ELAC2: variants seen among roughly 807,000 people sequenced by gnomAD.
The protein encoded by ELAC2 is elaC ribonuclease Z 2, also known as zinc phosphodiesterase ELAC protein 2.
In ELAC2, 92 loss-of-function variants were observed where a neutral mutation model predicts 105.2. The ratio of observed to expected loss-of-function variants is 0.87; its 90% CI spans 0.74 to 1.04. The LOEUF (loss-of-function observed/expected upper bound fraction) is 1.04. ELAC2 is among the 50% of genes least tolerant of loss of function. ELAC2 has a pLI of 0.00. For missense variants in ELAC2, 1,099 were observed against 1,071.7 expected (o/e 1.03, Z -0.36); for synonymous variants, 468 against 409.1 (o/e 1.14, Z -1.74).
chr17:12,993,648 C>T, intron 23 of ELAC2, 39 bp downstream of exon 23: 1 of 1,613,632 alleles, frequency 6.2e-7, no homozygotes, highest in African/African-American at 1.3e-5. Context: ...TGTCTCCCTG[C>T]CCCGTCCCCG....
chr17:12,995,945 C>T lies in ELAC2; in HGVS notation c.1693G>A (p.Ala565Thr), dbSNP rs370011511. The change falls in exon 18 of 24, where the codon GCC (alanine) becomes ACC (threonine). Residue 565 changes from alanine (A) to threonine (T), a missense_variant. Ala to Thr is a moderately conservative substitution (Grantham distance 58). Coordinates refer to ENST00000338034, the MANE Select transcript of ELAC2 (RefSeq NM_018127.7). ...CCATCAAGTGCCACACTTACCAAGG[C>T]GCGTTCTCTCTGCAGCAAGATACTT... ...LPSILLQRER[A>T]LASLGKPLHP... 1.9e-5 allele frequency: 31 copies of T among 1,595,896 alleles called. No homozygotes were observed. Among genetic ancestry groups the T allele is most frequent in the East Asian group, 4.5e-5 (2 of 44,312 alleles).
chr17:13,015,469 A>G (rs960903566), intron 4 of ELAC2, among the ~76,000 whole-genome samples: 2 of 152,218 alleles, frequency 1.3e-5, no homozygotes, highest in Admixed American at 6.5e-5. Context: ...TGCCAAACAT[A>G]TATCTAATAA....
At chr17:13,005,335 T>A (rs1390993530) in intron 10 of ELAC2, among the ~76,000 whole-genome samples, 2 of 152,238 alleles carry the variant, frequency 1.3e-5, no homozygotes, top group African/African-American at 4.8e-5. Context: ...GAAAGGAGGC[T>A]TGGCATTAAG....
chr17:13,000,339 G>A (rs2040718997), intron 14 of ELAC2, 65 bp from the exon 15 acceptor site: 1 of 1,418,474 alleles, frequency 7.0e-7, no homozygotes, highest in Non-Finnish European at 1.0e-6. Context: ...AGACCCCATT[G>A]GGGATGTCCA....
intron 19 of ELAC2, among the ~76,000 whole-genome samples, 160 bp from the exon 20 acceptor site, chr17:12,995,222 A>G (rs1447011840): frequency 1.3e-5 from 2 of 152,218 alleles, no homozygotes; most frequent in African/African-American, 4.8e-5. Context: ...AAATATAAAG[A>G]GCCAAACCAA....
chr17:12,993,611 G>A, intron 23 of ELAC2, 76 bp downstream of exon 23: 2 of 1,602,182 alleles, frequency 1.2e-6, no homozygotes, highest in Non-Finnish European at 1.7e-6. Flanking sequence ...AACTCCAGCT[G>A]ACCGTCCTAC....
chr17:12,998,015 C>T (rs536944971), intron 16 of ELAC2, among the ~76,000 whole-genome samples: 6 of 152,314 alleles, frequency 3.9e-5, no homozygotes, highest in African/African-American at 1.4e-4. Context: ...CCCGCTCAAA[C>T]TTCAGATGCC....
At position 12,992,694 on chromosome 17, in the gene ELAC2, A is replaced by G. The variant is rs1354767602; in HGVS notation, c.*124T>C. ...CCAAGCCTCGGCACAGCTCCATACC[A>G]CCTATCCTGAGCTGCCTCCTGGGGG... On this transcript the variant is annotated 3_prime_UTR_variant, in exon 24 of 24. Coordinates refer to ENST00000338034, the MANE Select transcript of ELAC2 (RefSeq NM_018127.7). 4 of 1,163,998 alleles carry G rather than the reference A, an allele frequency of 3.4e-6. No homozygotes were observed. The highest frequency in any genetic ancestry group is 3.0e-5 in the African/African-American group (2 of 65,892). The allele number at this position is 1,163,998 out of a possible 1,614,324, so 72.1% of individuals were successfully genotyped here.
chr17:13,008,593 T>C (rs1404258798), intron 8 of ELAC2, among the ~76,000 whole-genome samples: 1 of 152,132 alleles, frequency 6.6e-6, no homozygotes, highest in South Asian at 2.1e-4. Flanking sequence ...CATGGAGATA[T>C]GTTCCTCTCT....
chr17:12,993,990 G>A (rs981281388), intron 22 of ELAC2, among the ~76,000 whole-genome samples, 159 bp from the exon 23 acceptor site: 1 of 152,138 alleles, frequency 6.6e-6, no homozygotes, highest in Admixed American at 6.5e-5. Context: ...TCCCCTGAGG[G>A]CCAGAGCCTT....
chr17:12,994,528 G>T (rs1445285110), intron 21 of ELAC2, 25 bp from the exon 22 acceptor site: 7 of 1,613,868 alleles, frequency 4.3e-6, no homozygotes, highest in Non-Finnish European at 5.9e-6. Context: ...CAAGGATCAG[G>T]GCAGAGTTCT....
rs749460308 is a variant in ELAC2, at chr17:13,000,179, G to C, written c.1400C>G (p.Ala467Gly). 6.2e-7 allele frequency: 1 copy of C among 1,613,830 alleles called. No individual in the cohort carries two copies. The highest frequency in any genetic ancestry group is 1.1e-5 in the South Asian group (1 of 91,056). ...ACCTGCTGGGGCTGGGCCGTCCTGCGCACTCCTCCTGTACTCCTGCACGCT... is the reference window on the plus strand; with the variant it reads ...ACCTGCTGGGGCTGGGCCGTCCTGCCCACTCCTCCTGTACTCCTGCACGCT... ...QQSVQEYRRS[A>G]QDGPAPAEKR... Residue 467 changes from alanine to glycine, a missense_variant, in exon 15 of 24, where the codon GCG becomes GGG. Physicochemically the swap from Ala to Gly is moderately conservative, Grantham distance 60 (BLOSUM62 0). Coordinates refer to ENST00000338034, the MANE Select transcript of ELAC2 (RefSeq NM_018127.7).
At position 12,993,726 on chromosome 17, in the gene ELAC2, G is replaced by A; in HGVS notation, c.2214C>T (p.Asn738=). The A allele has an allele frequency of 6.2e-7, 1 of 1,614,210 alleles. No individual in the cohort carries two copies. Among genetic ancestry groups the A allele is most frequent in the Non-Finnish European group, 8.5e-7 (1 of 1,180,040 alleles). Residue 738 remains asparagine, a synonymous_variant, in exon 23 of 24, where the codon AAC becomes AAT. Transcript: ENST00000338034. ...AGGCAACTCCCACTTTCTCGCTGAA[G>A]TTGGGGCTGAAGAGGGGGACCTTGG... The part of the protein sequence containing the change: ...RYAKVPLFSP[N]FSEKVGVAFD...
chr17:13,013,231 T>G lies in ELAC2; in HGVS notation c.535A>C (p.Thr179Pro). 1 of 1,614,200 alleles carries G rather than the reference T, an allele frequency of 6.2e-7. No individual in the cohort carries two copies. Among genetic ancestry groups the G allele is most frequent in the South Asian group, 1.1e-5 (1 of 91,084 alleles). ...CTGTGTATGGGGATCTGGTAAACTG[T>G]CATGGTTTCATCCTCGTATTCTGGG... is the stretch of plus-strand genomic sequence containing the variant. Reference protein sequence around the residue: ...SAPEYEDETMTVYQIPIHSEQ... With the variant: ...SAPEYEDETMPVYQIPIHSEQ... The change falls in exon 6 of 24, where the codon ACA becomes CCA. Residue 179 changes from threonine (T) to proline (P), a missense_variant. By Grantham distance (38) the Thr-to-Pro change is conservative (BLOSUM62 -1). Coordinates refer to ENST00000338034, the MANE Select transcript of ELAC2 (RefSeq NM_018127.7).
At chr17:13,009,860 G>A (rs561525841) in intron 8 of ELAC2, among the ~76,000 whole-genome samples, 13 of 152,024 alleles carry the variant, frequency 8.6e-5, no homozygotes, top group Middle Eastern at 3.4e-3. Context: ...GTGGTGGCGC[G>A]CACCTATAAT....
intron 11 of ELAC2, 150 bp downstream of exon 11, chr17:13,004,839 A>C (rs2041018055): frequency 1.1e-5 from 8 of 758,784 alleles, no homozygotes; most frequent in Non-Finnish European, 1.7e-5. Flanking sequence ...ACCAACTACC[A>C]ACAGTGACTT....
chr17:13,000,432 G>GC lies in ELAC2; in HGVS notation c.1305-159dup. 5.5e-6 allele frequency: 4 copies of GC among 721,158 alleles called. No homozygotes were observed. In the South Asian group the frequency reaches 6.1e-5, roughly 11 times the overall value. 44.7% of individuals were successfully genotyped at this position (721,158 alleles called of 1,614,324 possible). A position where few individuals can be genotyped will look rare whatever the true frequency, so the allele number is the denominator to read the frequency against. ...AGTGACTAGGATCTGGGGCAGGTCT[G>GC]CTCCACCGCCTTTTGGATGCTGCAT... On this transcript the variant is annotated intron_variant, in intron 14 of 23. Coordinates refer to ENST00000338034, the MANE Select transcript of ELAC2 (RefSeq NM_018127.7).
Position 12,992,328 on chromosome 17 carries a change from C to T in ELAC2, c.*490G>A, listed in dbSNP as rs938285817. 7 of 261,816 alleles carry T rather than the reference C, an allele frequency of 2.7e-5. No individual in the cohort carries two copies. The South Asian group carries it at 7.2e-4, about 27-fold the overall frequency. 16.2% of individuals were successfully genotyped at this position (261,816 alleles called of 1,614,324 possible). A position where few individuals can be genotyped will look rare whatever the true frequency, so the allele number is the denominator to read the frequency against. ...ACACTACAGCACAGAGAGCCTTCTC[C>T]AAGGTGGTGCACAGCAGACCCTGCT... On this transcript the variant is annotated 3_prime_UTR_variant, in exon 24 of 24. Coordinates refer to ENST00000338034, the MANE Select transcript of ELAC2 (RefSeq NM_018127.7).
At chr17:13,006,142 G>T in intron 8 of ELAC2, 163 bp from the exon 9 acceptor site, 1 of 719,746 alleles carries the variant, frequency 1.4e-6, no homozygotes, top group East Asian at 2.7e-5. Flanking sequence ...AGGCTGAGGC[G>T]GGCAGATCAC....
Sources: gnomAD v4.1 joint callset for allele counts (sites outside exome capture counted in the v4.1 genomes callset) on GRCh38, gnomAD v4.1.1 for gene constraint, MANE v1.5 for transcripts, NCBI Gene and HGNC (gene_info 2026-07-23, HGNC 2026-07-21) for gene names.